TNIK: variants seen among roughly 807,000 people sequenced by gnomAD.
The protein encoded by TNIK is TRAF2 and NCK-interacting protein kinase.
Under a neutral mutation model 191.3 loss-of-function variants are expected in TNIK, and 49 were observed. That is an observed-to-expected ratio of 0.26 (90% CI 0.20 to 0.32). The LOEUF (loss-of-function observed/expected upper bound fraction) is 0.32, where lower values mean the gene tolerates loss of function less well. TNIK is among the 10% of genes least tolerant of loss of function. TNIK has a pLI of 1.00. For missense variants in TNIK, 1,155 were observed against 1,702.3 expected, an observed-to-expected ratio of 0.68 and a Z score of 5.66; for synonymous variants, 594 against 600.9, an observed-to-expected ratio of 0.99 and a Z score of 0.17.
chr3:171,446,940 C>T (rs1382780203), intron 1 of TNIK, among the ~76,000 whole-genome samples: 1 of 152,218 alleles, frequency 6.6e-6, no homozygotes, highest in Non-Finnish European at 1.5e-5. Context: ...CCGGTAATCC[C>T]AGCACTTTGG....
intron 1 of TNIK, among the ~76,000 whole-genome samples, chr3:171,376,732 G>A (rs931417323): frequency 6.8e-6 from 1 of 147,186 alleles, no homozygotes; most frequent in Non-Finnish European, 1.5e-5. Flanking sequence ...AATATATACA[G>A]ATAGATAGAT....
rs193277732 is a variant in TNIK at position 171,149,221 on chromosome 3, C to T, written c.1221+8239G>A. Among the ~76,000 whole-genome samples, 29 of 152,256 alleles carry T rather than the reference C, an allele frequency of 1.9e-4. 1 individual carries two copies. The highest frequency in any genetic ancestry group is 1.2e-3 in the South Asian group (6 of 4,826). On this transcript the variant is annotated intron_variant, in intron 12 of 32. Coordinates refer to ENST00000436636, the MANE Select transcript of TNIK (RefSeq NM_015028.4). Reference sequence around the variant, plus strand: ...GTGGTTCTGTGAAGACCTTAGACAACGGAGGGTAGGTCTGTGTGATGTCCA... The same window carrying T: ...GTGGTTCTGTGAAGACCTTAGACAATGGAGGGTAGGTCTGTGTGATGTCCA...
At position 171,152,147 on chromosome 3, in the gene TNIK, G is replaced by A. The variant is rs1043294517; in HGVS notation, c.1221+5313C>T. Among the ~76,000 whole-genome samples, 37 of 152,092 alleles carry A rather than the reference G, an allele frequency of 2.4e-4. 1 individual carries two copies. On this transcript the variant is annotated intron_variant, in intron 12 of 32. Coordinates refer to ENST00000436636, the MANE Select transcript of TNIK (RefSeq NM_015028.4). ...AACACAAAGACTAGCTGGGCGTGGT[G>A]GAGCATGCCTGTAATCCCAGCTACT...
At chr3:171,202,212 T>C (rs886186861) in intron 4 of TNIK, among the ~76,000 whole-genome samples, 1 of 151,432 alleles carries the variant, frequency 6.6e-6, no homozygotes, top group Non-Finnish European at 1.5e-5. Flanking sequence ...CATATATATA[T>C]GTTTTTTTTT....
intron 2 of TNIK, among the ~76,000 whole-genome samples, chr3:171,333,239 TA>T (rs369479324): frequency 7.3e-5 from 11 of 151,438 alleles, no homozygotes; most frequent in Admixed American, 4.0e-4. Context: ...CTAGCTTTTC[TA>T]AAAAAAAGAA....
Position 171,333,744 on chromosome 3 carries a change from C to G in TNIK, c.123+35876G>C, listed in dbSNP as rs190613697. 5.6e-4 allele frequency among the ~76,000 whole-genome samples: 85 copies of G among 152,336 alleles called. 1 individual carries two copies. Among genetic ancestry groups the G allele is most frequent in the African/African-American group, 2.0e-3 (83 of 41,570 alleles). On this transcript the variant is annotated intron_variant, in intron 2 of 32. Coordinates refer to ENST00000436636, the MANE Select transcript of TNIK (RefSeq NM_015028.4). ...CTGGCCATCAGTTTGCAACCCCTATCCTACTACAAGGTCTTTCAAAGATTT... is the reference window on the plus strand; with the variant it reads ...CTGGCCATCAGTTTGCAACCCCTATGCTACTACAAGGTCTTTCAAAGATTT...
intron 15 of TNIK, among the ~76,000 whole-genome samples, chr3:171,130,626 A>T (rs563950610): frequency 6.6e-6 from 1 of 152,270 alleles, no homozygotes; most frequent in African/African-American, 2.4e-5. Context: ...AGATCAAGGC[A>T]TGCAATATAT....
At chr3:171,242,833 A>G (rs1477652846) in intron 2 of TNIK, among the ~76,000 whole-genome samples, 1 of 152,244 alleles carries the variant, frequency 6.6e-6, no homozygotes, top group Non-Finnish European at 1.5e-5. Context: ...GCAATTATAC[A>G]TATGATGCTT....
At chr3:171,184,679 C>T (rs1737138943) in intron 7 of TNIK, among the ~76,000 whole-genome samples, 1 of 152,216 alleles carries the variant, frequency 6.6e-6, no homozygotes, top group Non-Finnish European at 1.5e-5. Flanking sequence ...ATATTGTCCT[C>T]TCAGGTGACA....
chr3:171,204,995 T>C (rs1189435330), intron 4 of TNIK, among the ~76,000 whole-genome samples: 1 of 152,196 alleles, frequency 6.6e-6, no homozygotes, highest in East Asian at 1.9e-4. Flanking sequence ...ATTTGCAGAA[T>C]GGCTGCAAAA....
Position 171,460,194 on chromosome 3 carries a change from G to A in TNIK, c.-131C>T, listed in dbSNP as rs908589600. ...AGAGGCCCCGGGCCCAGCCTCCCCC[G>A]CCCACCCCAGCCCCACAGCGCCGGA... On this transcript the variant is annotated 5_prime_UTR_variant, in exon 1 of 33. Coordinates refer to ENST00000436636, the MANE Select transcript of TNIK (RefSeq NM_015028.4). This position sits in a 1 kb window ranked among gnomAD's most constrained non-coding sequence, Gnocchi z 6.8. 507 of 1,101,326 alleles carry A rather than the reference G, an allele frequency of 4.6e-4. 2 individuals are homozygous for A. Among genetic ancestry groups the A allele is most frequent in the Non-Finnish European group, 6.3e-4 (483 of 769,458 alleles). 68.2% of individuals were successfully genotyped at this position (1,101,326 alleles called of 1,614,324 possible). A position where few individuals can be genotyped will look rare whatever the true frequency, so the allele number is the denominator to read the frequency against.
chr3:171,067,573 G>A (rs1430039740), intron 30 of TNIK, among the ~76,000 whole-genome samples: 1 of 151,814 alleles, frequency 6.6e-6, no homozygotes, highest in Non-Finnish European at 1.5e-5. Context: ...GGGAGGCTGA[G>A]GCAGGAGAAT....
chr3:171,361,261 T>C (rs7623965), intron 2 of TNIK, among the ~76,000 whole-genome samples: 22,169 of 152,140 alleles, frequency 0.15, 2,411 homozygotes, highest in African/African-American at 0.31. Context: ...TTTGCAAAAT[T>C]ATCCAGATGA....
intron 2 of TNIK, among the ~76,000 whole-genome samples, chr3:171,297,039 C>A (rs1007811601): frequency 6.6e-6 from 1 of 152,048 alleles, no homozygotes; most frequent in Non-Finnish European, 1.5e-5. Flanking sequence ...TGCAGTTTAC[C>A]GCAGTCCTTG....
At chr3:171,401,438 A>C (rs1348148182) in intron 1 of TNIK, among the ~76,000 whole-genome samples, 1 of 152,128 alleles carries the variant, frequency 6.6e-6, no homozygotes, top group Non-Finnish European at 1.5e-5. Context: ...ACTGGTTAGA[A>C]AGGAGGAAAG....
intron 2 of TNIK, among the ~76,000 whole-genome samples, chr3:171,358,303 C>T (rs1457327143): frequency 6.6e-6 from 1 of 152,176 alleles, no homozygotes; most frequent in Non-Finnish European, 1.5e-5. Context: ...TTAATTGACT[C>T]ACAGTTCCAC....
chr3:171,100,091 C>G (rs1432086296), intron 22 of TNIK, among the ~76,000 whole-genome samples: 1 of 152,182 alleles, frequency 6.6e-6, no homozygotes, highest in Non-Finnish European at 1.5e-5. Flanking sequence ...ATAATCTTCT[C>G]TCATCCTGAT....
chr3:171,348,041 T>TAA (rs2108428427), intron 2 of TNIK, among the ~76,000 whole-genome samples: 1 of 152,320 alleles, frequency 6.6e-6, no homozygotes, highest in African/African-American at 2.4e-5. Flanking sequence ...TGTCTGTGCA[T>TAA]GGTAGCCACA....
intron 1 of TNIK, among the ~76,000 whole-genome samples, chr3:171,382,142 C>T (rs1057456160): frequency 9.3e-5 from 14 of 151,340 alleles, no homozygotes; most frequent in African/African-American, 3.4e-4. Flanking sequence ...ACTAACATTC[C>T]TTCTTTAAAG....
Sources: allele counts gnomAD v4.1 joint callset (sites outside exome capture counted in the v4.1 genomes callset), GRCh38; gene constraint gnomAD v4.1.1; non-coding constraint Gnocchi (gnomAD v3.1); transcripts MANE v1.5; gene names NCBI Gene and HGNC (gene_info 2026-07-23, HGNC 2026-07-21).